The following C8A variants were observed in gnomAD, a reference collection of about 807,000 sequenced individuals.
C8A encodes the protein complement C8 alpha chain.
C8A carries 67 observed loss-of-function variants against 65.3 expected under a neutral mutation model. The observed-to-expected ratio is 1.03, with a 90% CI of 0.84 to 1.26. C8A has a LOEUF of 1.26. Ranked by LOEUF, C8A falls within the 50% of genes most tolerant of loss-of-function variation. The pLI, the probability that C8A is intolerant of heterozygous loss-of-function variation, is 0.00. For missense variants in C8A, 781 were observed against 723.9 expected, an observed-to-expected ratio of 1.08 and a Z score of -0.90; for synonymous variants, 290 against 259.4, an observed-to-expected ratio of 1.12 and a Z score of -1.13.
chr1:56,874,680 T>C (rs868440877), intron 2 of C8A, among the ~76,000 whole-genome samples: 2 of 152,200 alleles, frequency 1.3e-5, no homozygotes, highest in South Asian at 2.1e-4. Context: ...CAGAGGTTAT[T>C]CCTAGCAAGT....
chr1:56,903,182 T>C (rs916766692), intron 7 of C8A, among the ~76,000 whole-genome samples: 1 of 152,186 alleles, frequency 6.6e-6, no homozygotes, highest in Non-Finnish European at 1.5e-5. Context: ...CCAAATCTCA[T>C]CTTGAATTGC....
intron 6 of C8A, among the ~76,000 whole-genome samples, chr1:56,883,953 G>T (rs975632722): frequency 4.0e-5 from 6 of 151,666 alleles, no homozygotes; most frequent in Non-Finnish European, 8.8e-5. Flanking sequence ...GAGCATATAG[G>T]GAAATGTGTA....
intron 4 of C8A, among the ~76,000 whole-genome samples, chr1:56,876,491 G>A (rs1474547733): frequency 3.3e-5 from 5 of 151,838 alleles, no homozygotes; most frequent in Non-Finnish European, 7.4e-5. Context: ...GCCCATTTAA[G>A]AAGCCACAGC....
At chr1:56,861,133 A>T (rs1280507734) in intron 1 of C8A, among the ~76,000 whole-genome samples, 2 of 152,134 alleles carry the variant, frequency 1.3e-5, no homozygotes, top group Non-Finnish European at 2.9e-5. Context: ...AAACATGCTT[A>T]TTGTGTTTTA....
At chr1:56,896,288 C>G (rs1055729655) in intron 7 of C8A, among the ~76,000 whole-genome samples, 4 of 151,918 alleles carry the variant, frequency 2.6e-5, no homozygotes, top group African/African-American at 9.7e-5. Context: ...CTGACAAGTC[C>G]CAAGATCTGC....
At chr1:56,858,832 T>C (rs142997198) in intron 1 of C8A, among the ~76,000 whole-genome samples, 63 of 152,328 alleles carry the variant, frequency 4.1e-4, no homozygotes, top group African/African-American at 1.3e-3. Context: ...GGCTATGAAG[T>C]ATAATCAATC....
At position 56,899,783 on chromosome 1, in the gene C8A, C is replaced by G. The variant is rs565093020; in HGVS notation, c.1097-6884C>G. Among the ~76,000 whole-genome samples, 8 of 152,296 alleles carry G rather than the reference C, an allele frequency of 5.3e-5. No individual in the cohort carries two copies. The South Asian group carries it at 8.3e-4, about 16-fold the overall frequency. On this transcript the variant is annotated intron_variant, in intron 7 of 10. Transcript: ENST00000361249. ...TTGACTGTGATTGCTAGCTCTGAAC[C>G]AGGCACTGTCCAGAGCACATTACAT... is the stretch of plus-strand genomic sequence containing the variant.
chr1:56,862,276 A>G (rs1644041633), intron 1 of C8A, among the ~76,000 whole-genome samples: 1 of 152,242 alleles, frequency 6.6e-6, no homozygotes. Context: ...AGCAGAAATC[A>G]GATTCAAATG....
intron 7 of C8A, among the ~76,000 whole-genome samples, chr1:56,891,966 AT>A (rs1020486941): frequency 6.6e-6 from 1 of 152,106 alleles, no homozygotes; most frequent in Non-Finnish European, 1.5e-5. Context: ...TCCTTGGGGT[AT>A]TTTTTGTATC....
chr1:56,858,816 G>T lies in C8A; in HGVS notation c.77+3838G>T, dbSNP rs531751613. ...TTTAGCAATACTTCAGGTGGCATTG[G>T]GTCTGGGCTATGAAGTATAATCAAT... is the stretch of plus-strand genomic sequence containing the variant. On this transcript the variant is annotated intron_variant, in intron 1 of 10. Transcript: ENST00000361249. Among the ~76,000 whole-genome samples, 29 of 152,304 alleles carry T rather than the reference G, an allele frequency of 1.9e-4. No homozygotes were observed. The South Asian group carries it at 4.3e-3, about 23-fold the overall frequency.
chr1:56,910,388 G>A (rs1033642012), intron 9 of C8A, among the ~76,000 whole-genome samples: 3 of 152,066 alleles, frequency 2.0e-5, no homozygotes, highest in African/African-American at 4.8e-5. Context: ...AAGCTCTAAC[G>A]TCCCAAGATC....
At chr1:56,898,461 C>A (rs1277638082) in intron 7 of C8A, among the ~76,000 whole-genome samples, 2 of 152,124 alleles carry the variant, frequency 1.3e-5, no homozygotes, top group Non-Finnish European at 2.9e-5. Flanking sequence ...TTACCATACT[C>A]TTTCTCCTTG....
At chr1:56,855,975 G>C (rs1042272159) in intron 1 of C8A, among the ~76,000 whole-genome samples, 4 of 152,022 alleles carry the variant, frequency 2.6e-5, no homozygotes, top group Non-Finnish European at 5.9e-5. Flanking sequence ...ACTGTGTAAA[G>C]GAAATCTCCG....
intron 2 of C8A, among the ~76,000 whole-genome samples, chr1:56,872,659 G>A (rs796905876): frequency 2.6e-5 from 4 of 152,114 alleles, no homozygotes; most frequent in African/African-American, 9.6e-5. Flanking sequence ...ATTCTAAGAA[G>A]AAAAACCATG....
chr1:56,907,866 CT>C, intron 8 of C8A, 89 bp from the exon 9 acceptor site: 2 of 1,466,338 alleles, frequency 1.4e-6, no homozygotes, highest in East Asian at 4.5e-5. Flanking sequence ...AACATGTAAA[CT>C]TTCTTCCAAA....
rs1402120759 is a variant in C8A at position 56,904,115 on chromosome 1, C to T, written c.1097-2552C>T. On this transcript the variant is annotated intron_variant, in intron 7 of 10. Transcript: ENST00000361249. The stretch of plus-strand genomic sequence containing the variant: ...GCTCCAGACCTTTCTCTGTTCCTTT[C>T]ACCCCAGACCCCCACCTCCAACTCT... 6.6e-5 allele frequency among the ~76,000 whole-genome samples: 10 copies of T among 152,180 alleles called. No individual in the cohort carries two copies. The East Asian group carries it at 1.9e-3, about 29-fold the overall frequency.
intron 1 of C8A, 93 bp from the exon 2 acceptor site, chr1:56,867,516 A>G: frequency 2.3e-6 from 2 of 863,296 alleles, no homozygotes; most frequent in Middle Eastern, 2.2e-4. Flanking sequence ...TTTCTTCCAA[A>G]CCATGTTTTA....
intron 7 of C8A, among the ~76,000 whole-genome samples, chr1:56,886,554 C>G (rs901862569): frequency 6.6e-6 from 1 of 152,144 alleles, no homozygotes; most frequent in African/African-American, 2.4e-5. Flanking sequence ...ACATTCATCT[C>G]AGACTCCTCC....
intron 7 of C8A, among the ~76,000 whole-genome samples, chr1:56,897,130 T>C (rs1363119711): frequency 6.6e-6 from 1 of 152,226 alleles, no homozygotes; most frequent in African/African-American, 2.4e-5. Context: ...ACTGTTGTGA[T>C]AGCTTTGAAA....
Sources: allele counts gnomAD v4.1 joint callset (sites outside exome capture counted in the v4.1 genomes callset), GRCh38; gene constraint gnomAD v4.1.1; transcripts MANE v1.5; gene names NCBI Gene and HGNC (gene_info 2026-07-23, HGNC 2026-07-21).